The following CMYA5 variants were observed in gnomAD, a reference collection of about 807,000 sequenced individuals.
CMYA5 encodes the protein cardiomyopathy-associated protein 5.
CMYA5 carries 246 observed loss-of-function variants against 318.9 expected under a neutral mutation model. The observed-to-expected ratio is 0.77, with a 90% CI of 0.70 to 0.86. The LOEUF (loss-of-function observed/expected upper bound fraction) is 0.86. CMYA5 is among the 40% of genes least tolerant of loss of function. The probability of loss-of-function intolerance (pLI) is 0.00; values close to 1 mark genes in which losing one functional copy is unlikely to be tolerated. For synonymous variants in CMYA5, 1,641 were observed against 1,729.5 expected (o/e 0.95, Z 1.27); for missense variants, 4,589 against 4,678.2 (o/e 0.98, Z 0.56).
At chr5:79,754,069 G>A (rs990716904) in intron 6 of CMYA5, among the ~76,000 whole-genome samples, 5 of 152,226 alleles carry the variant, frequency 3.3e-5, no homozygotes, top group Non-Finnish European at 7.3e-5. Context: ...AATTAACTCA[G>A]CAAGTGCACA....
chr5:79,698,889 G>A (rs1337874769), intron 1 of CMYA5, among the ~76,000 whole-genome samples: 1 of 152,204 alleles, frequency 6.6e-6, no homozygotes, highest in Non-Finnish European at 1.5e-5. Flanking sequence ...GGACACGGTG[G>A]CTCAAGGCCT....
At chr5:79,724,603 A>G (rs12654905) in intron 1 of CMYA5, among the ~76,000 whole-genome samples, 33,283 of 152,108 alleles carry the variant, frequency 0.22, 6,478 homozygotes, top group African/African-American at 0.51. Flanking sequence ...TTAACTGATA[A>G]TCAGAAGGTT....
chr5:79,740,652 G>A (rs1160844344), intron 2 of CMYA5, among the ~76,000 whole-genome samples: 1 of 152,120 alleles, frequency 6.6e-6, no homozygotes, highest in African/African-American at 2.4e-5. Context: ...GTCCCAACAT[G>A]TATCCTCCTG....
chr5:79,787,679 T>C (rs576247911), intron 9 of CMYA5, among the ~76,000 whole-genome samples: 1 of 152,338 alleles, frequency 6.6e-6, no homozygotes, highest in African/African-American at 2.4e-5. Flanking sequence ...ACATTGGCAC[T>C]AAACAGCAGT....
intron 5 of CMYA5, among the ~76,000 whole-genome samples, chr5:79,747,758 T>C (rs1216200324): frequency 6.6e-6 from 1 of 152,240 alleles, no homozygotes; most frequent in African/African-American, 2.4e-5. Context: ...ATCCAACAGA[T>C]CTGACACGTT....
chr5:79,790,089 G>T (rs953305705), intron 10 of CMYA5, among the ~76,000 whole-genome samples: 1 of 152,168 alleles, frequency 6.6e-6, no homozygotes, highest in East Asian at 1.9e-4. Flanking sequence ...CGCAACAAGC[G>T]ATCGGCTTAC....
rs527580805 is a variant in CMYA5, at chr5:79,792,343, A to G, written c.11790-1094A>G. Among the ~76,000 whole-genome samples, 11 of 152,350 alleles carry G rather than the reference A, an allele frequency of 7.2e-5. No individual in the cohort carries two copies. The South Asian group carries it at 2.1e-3, about 29-fold the overall frequency. On this transcript the variant is annotated intron_variant, in intron 11 of 12. Transcript: ENST00000446378. ...TGAATTCAGGGAAAAAATAGATTGA[A>G]GAAATAGATTGAGCTTTTCTGTCTT...
At chr5:79,793,150 T>G (rs554045230) in intron 11 of CMYA5, among the ~76,000 whole-genome samples, 12 of 152,334 alleles carry the variant, frequency 7.9e-5, no homozygotes, top group African/African-American at 2.9e-4. Context: ...CCTACCATTA[T>G]TCTAGTTATT....
chr5:79,727,045 A>C (rs937413656), intron 1 of CMYA5, among the ~76,000 whole-genome samples: 1 of 150,616 alleles, frequency 6.6e-6, no homozygotes, highest in Non-Finnish European at 1.5e-5. Context: ...CCTCCTGAGT[A>C]GCTGGGATTA....
In CMYA5 at chr5:79,729,616, CA is replaced by C; in HGVS notation, c.852del (p.Arg285AlafsTer3). ...AGTGGTTCTAATACAGTGTCCAAAA[CA>C]CGCAAATTAGTAGCCCAAAGCATAG... Reference protein sequence around the residue: ...DNSGSNTVSKTRKLVAQSIED... With the variant: ...DNSGSNTVSKXRKLVAQSIED... On this transcript the variant is annotated frameshift_variant, in exon 2 of 13. Coordinates refer to ENST00000446378, the MANE Select transcript of CMYA5 (RefSeq NM_153610.5). LOFTEE classifies it high-confidence loss of function. The C allele has an allele frequency of 6.2e-7, 1 of 1,613,774 alleles. No homozygotes were observed. Among genetic ancestry groups the C allele is most frequent in the Non-Finnish European group, 8.5e-7 (1 of 1,179,752 alleles).
At chr5:79,697,202 G>T (rs1191288130) in intron 1 of CMYA5, among the ~76,000 whole-genome samples, 1 of 152,190 alleles carries the variant, frequency 6.6e-6, no homozygotes, top group Non-Finnish European at 1.5e-5. Context: ...TACAGCAAAT[G>T]CATTGGTACA....
At position 79,763,093 on chromosome 5, in the gene CMYA5, CTG is replaced by C; in HGVS notation, c.11441_11442del (p.Cys3814TyrfsTer33). The C allele has an allele frequency of 6.2e-7, 1 of 1,613,916 alleles. No homozygotes were observed. The highest frequency in any genetic ancestry group is 8.5e-7 in the Non-Finnish European group (1 of 1,179,870). On this transcript the variant is annotated frameshift_variant, in exon 9 of 13. Coordinates refer to ENST00000446378, the MANE Select transcript of CMYA5 (RefSeq NM_153610.5). LOFTEE classifies it high-confidence loss of function. ...CCACCCCTGTGATCCGCGCTGAGGA[CTG>C]TACTGTGTGTTGGAACACAGCCACT... The part of the protein sequence containing the change: ...PSTPVIRAED[C>X]TVCWNTATIR...
intron 1 of CMYA5, among the ~76,000 whole-genome samples, chr5:79,704,385 G>C (rs1023111650): frequency 1.3e-5 from 2 of 151,956 alleles, no homozygotes; most frequent in East Asian, 3.9e-4. Context: ...ACCCAAAGTA[G>C]AGCGACCAGA....
intron 5 of CMYA5, 67 bp from the exon 6 acceptor site, chr5:79,752,609 A>AT (rs1828450055): frequency 5.8e-6 from 7 of 1,204,090 alleles, no homozygotes; most frequent in South Asian, 2.8e-5. Context: ...ATTTTGAACA[A>AT]TTTTTTTCAC....
At chr5:79,710,594 A>T (rs1827370492) in intron 1 of CMYA5, among the ~76,000 whole-genome samples, 1 of 152,198 alleles carries the variant, frequency 6.6e-6, no homozygotes, top group Non-Finnish European at 1.5e-5. Context: ...ATATATTAAA[A>T]GTGGTCATCT....
At chr5:79,698,322 A>AC (rs1177397041) in intron 1 of CMYA5, among the ~76,000 whole-genome samples, 10 of 152,256 alleles carry the variant, frequency 6.6e-5, no homozygotes, top group East Asian at 5.8e-4. Flanking sequence ...AAAAACAAAA[A>AC]AAAAAACACC....
intron 10 of CMYA5, 94 bp from the exon 11 acceptor site, chr5:79,790,876 G>A: frequency 1.3e-6 from 1 of 776,638 alleles, no homozygotes; most frequent in South Asian, 1.7e-5. Context: ...TGACGTCAGG[G>A]GAAAGAGTCT....
intron 2 of CMYA5, among the ~76,000 whole-genome samples, chr5:79,743,399 T>C (rs1369079400): frequency 6.6e-6 from 1 of 152,170 alleles, no homozygotes; most frequent in African/African-American, 2.4e-5. Context: ...GATCACCTTC[T>C]CAGGCCATTA....
Position 79,732,012 on chromosome 5 carries a change from TC to T in CMYA5, c.3248del (p.Ser1083Ter). On this transcript the variant is annotated frameshift_variant, in exon 2 of 13. Coordinates refer to ENST00000446378, the MANE Select transcript of CMYA5 (RefSeq NM_153610.5). LOFTEE classifies it high-confidence loss of function. ...SPLEDLSLPP[S>X]TDKSEKAEIK... ...GCTTGAAGACTTAAGTCTGCCGCCT[TC>T]AACAGATAAATCAGAGAAAGCAGAA... 1 of 1,613,938 alleles carries T rather than the reference TC, an allele frequency of 6.2e-7. No individual in the cohort carries two copies. The highest frequency in any genetic ancestry group is 1.1e-5 in the South Asian group (1 of 91,078).
Sources: allele counts gnomAD v4.1 joint callset (sites outside exome capture counted in the v4.1 genomes callset), GRCh38; gene constraint gnomAD v4.1.1; transcripts MANE v1.5; gene names NCBI Gene and HGNC (gene_info 2026-07-23, HGNC 2026-07-21).